PREP: variants seen among roughly 807,000 people sequenced by gnomAD.
The protein encoded by PREP is prolyl endopeptidase.
A neutral mutation model predicts 87.6 loss-of-function variants in PREP; 29 were observed. The ratio of observed to expected loss-of-function variants is 0.33; its 90% CI spans 0.25 to 0.45. PREP has a LOEUF of 0.45. Among genes scored for constraint, PREP ranks in the 20% least tolerant of loss-of-function variants. The pLI, the probability that PREP is intolerant of heterozygous loss-of-function variation, is 1.00. For missense variants in PREP, 695 were observed against 886.5 expected, an observed-to-expected ratio of 0.78 and a Z score of 2.74; for synonymous variants, 337 against 328.6, an observed-to-expected ratio of 1.03 and a Z score of -0.28.
At chr6:105,322,905 A>T in intron 10 of PREP, 1 of 1,200,528 alleles carries the variant, frequency 8.3e-7, no homozygotes, top group Non-Finnish European at 1.1e-6. Flanking sequence ...GGGAACATCC[A>T]GCGCTCTTTA....
chr6:105,392,828 C>T (rs757329137), intron 2 of PREP, among the ~76,000 whole-genome samples: 7 of 152,080 alleles, frequency 4.6e-5, no homozygotes, highest in African/African-American at 1.4e-4. Context: ...CCACCCTCCT[C>T]GGCCTCCCAA....
intron 10 of PREP, among the ~76,000 whole-genome samples, chr6:105,317,523 A>C (rs1050006664): frequency 3.3e-5 from 5 of 152,234 alleles, no homozygotes; most frequent in Non-Finnish European, 7.3e-5. Context: ...GGCCAGAATC[A>C]TATTAGTGGA....
intron 10 of PREP, among the ~76,000 whole-genome samples, chr6:105,291,904 A>G (rs1050443622): frequency 3.3e-5 from 5 of 152,232 alleles, no homozygotes; most frequent in Admixed American, 1.3e-4. Flanking sequence ...CCAGGAGTAG[A>G]TTCCATCTCA....
intron 6 of PREP, among the ~76,000 whole-genome samples, chr6:105,366,741 G>A (rs1035100859): frequency 6.6e-6 from 1 of 152,178 alleles, no homozygotes; most frequent in Non-Finnish European, 1.5e-5. Flanking sequence ...ATGGAATATT[G>A]TTCAGCGTTA....
At chr6:105,284,053 G>GCATA (rs1201275110) in intron 12 of PREP, among the ~76,000 whole-genome samples, 3 of 152,182 alleles carry the variant, frequency 2.0e-5, no homozygotes, top group Non-Finnish European at 4.4e-5. Context: ...TTCAGAATTA[G>GCATA]CATACATATT....
rs562327717 is a variant in PREP, at chr6:105,285,230, C to A, written c.1549+256G>T. On this transcript the variant is annotated intron_variant, in intron 12 of 14. Transcript: ENST00000652536. The stretch of plus-strand genomic sequence containing the variant: ...ACACAACCTATGAGTTGTTAAAAAA[C>A]CCCAAAATAACAAGGAATGCTTCTG... 6.6e-5 allele frequency among the ~76,000 whole-genome samples: 10 copies of A among 152,256 alleles called. No homozygotes were observed. In the South Asian group the frequency reaches 2.1e-3, roughly 32 times the overall value.
chr6:105,328,001 G>A (rs572019330), intron 9 of PREP, among the ~76,000 whole-genome samples: 3 of 152,042 alleles, frequency 2.0e-5, no homozygotes, highest in African/African-American at 4.8e-5. Context: ...AAATTAACCC[G>A]TACCATGAAA....
chr6:105,355,134 C>T (rs1187647307), intron 6 of PREP, among the ~76,000 whole-genome samples: 3 of 150,574 alleles, frequency 2.0e-5, no homozygotes, highest in Admixed American at 6.6e-5. Context: ...CCTTGTAGCC[C>T]AGGCTGGAGT....
chr6:105,306,200 A>G lies in PREP; in HGVS notation c.1318-17306T>C, dbSNP rs527961578. Among the ~76,000 whole-genome samples, 18 of 152,286 alleles carry G rather than the reference A, an allele frequency of 1.2e-4. No individual in the cohort carries two copies. In the South Asian group the frequency reaches 3.5e-3, roughly 30 times the overall value. ...AAGAAAATGAAAGCTGAAGATGACT[A>G]ACTGAATCATGTTCACGAAAGATCT... On this transcript the variant is annotated intron_variant, in intron 10 of 14. Transcript: ENST00000652536.
At chr6:105,291,097 G>A (rs559982101) in intron 10 of PREP, among the ~76,000 whole-genome samples, 2 of 151,554 alleles carry the variant, frequency 1.3e-5, no homozygotes, top group South Asian at 2.1e-4. Context: ...AAATGTGCAT[G>A]CCTTAATTAA....
At chr6:105,352,861 A>T in intron 7 of PREP, 111 bp downstream of exon 7, 1 of 919,050 alleles carries the variant, frequency 1.1e-6, no homozygotes. Flanking sequence ...ATGAACTGAC[A>T]TGATGTGGTA....
chr6:105,352,984 T>C lies in PREP; in HGVS notation c.811A>G (p.Ser271Gly), dbSNP rs1234354309. The C allele has an allele frequency of 6.2e-7, 1 of 1,613,208 alleles. No individual in the cohort carries two copies. The highest frequency in any genetic ancestry group is 8.5e-7 in the Non-Finnish European group (1 of 1,179,202). ...LWYCDLQQES[S>G]GIAGILKWVK... ...AAAAATAACTCACCCGCGATGCCAC[T>C]GGATTCCTGCTGTAGGTCACAGTAC... Residue 271 changes from serine to glycine, a missense_variant, in exon 7 of 15, where the codon AGT becomes GGT. Physicochemically the swap from Ser to Gly is moderately conservative, Grantham distance 56 (BLOSUM62 0). Coordinates refer to ENST00000652536, the MANE Select transcript of PREP (RefSeq NM_002726.5).
At chr6:105,287,897 T>C (rs1435308427) in intron 11 of PREP, among the ~76,000 whole-genome samples, 1 of 152,172 alleles carries the variant, frequency 6.6e-6, no homozygotes, top group Non-Finnish European at 1.5e-5. Flanking sequence ...ATACCAACAA[T>C]AGCAAACATA....
chr6:105,287,192 T>C (rs1033328026), intron 11 of PREP, among the ~76,000 whole-genome samples: 1 of 151,998 alleles, frequency 6.6e-6, no homozygotes, highest in Non-Finnish European at 1.5e-5. Flanking sequence ...TATTAACACA[T>C]AGATACCAAT....
intron 10 of PREP, among the ~76,000 whole-genome samples, chr6:105,321,862 T>A (rs1186962433): frequency 6.6e-6 from 1 of 152,102 alleles, no homozygotes; most frequent in Non-Finnish European, 1.5e-5. Context: ...AAGATTAGGA[T>A]CTCTCTCGTG....
chr6:105,402,806 C>T, intron 1 of PREP, 41 bp downstream of exon 1: 13 of 1,523,480 alleles, frequency 8.5e-6, no homozygotes, highest in Non-Finnish European at 1.1e-5. Context: ...GGCTGGGCAC[C>T]TTTGCCCGGG....
At chr6:105,357,171 T>C (rs1276548395) in intron 6 of PREP, among the ~76,000 whole-genome samples, 1 of 152,248 alleles carries the variant, frequency 6.6e-6, no homozygotes, top group Non-Finnish European at 1.5e-5. Context: ...TATAATCTTA[T>C]TAATATAATT....
rs892156638 is a variant in PREP at position 105,274,183 on chromosome 6, G to C, written c.*3961C>G. ...CAGAAATTGCTCTCTCACAGTCCTA[G>C]AGTCTGGGACATCTAAGATCAAGGC... is the stretch of plus-strand genomic sequence containing the variant. On this transcript the variant is annotated 3_prime_UTR_variant, in exon 15 of 15. Transcript: ENST00000652536. Among the ~76,000 whole-genome samples the C allele has an allele frequency of 6.6e-6, 1 of 152,078 alleles. No individual in the cohort carries two copies. Among genetic ancestry groups the C allele is most frequent in the Admixed American group, 6.5e-5 (1 of 15,276 alleles).
intron 6 of PREP, among the ~76,000 whole-genome samples, chr6:105,361,929 A>G (rs1030386888): frequency 6.6e-6 from 1 of 152,204 alleles, no homozygotes; most frequent in Non-Finnish European, 1.5e-5. Flanking sequence ...AATTTTAACA[A>G]ATAAAGTTAC....
Sources: gnomAD v4.1 joint callset for allele counts (sites outside exome capture counted in the v4.1 genomes callset) on GRCh38, gnomAD v4.1.1 for gene constraint, MANE v1.5 for transcripts, NCBI Gene and HGNC (gene_info 2026-07-23, HGNC 2026-07-21) for gene names.